Variants in NLK observed in about 807,000 individuals in gnomAD.
NLK encodes nemo like kinase.
Under a neutral mutation model 59.0 loss-of-function variants are expected in NLK, and 11 were observed. The observed-to-expected ratio is 0.19, with a 90% CI of 0.12 to 0.31. The LOEUF (loss-of-function observed/expected upper bound fraction) is 0.31, where lower values mean the gene tolerates loss of function less well. Among genes scored for constraint, NLK ranks in the 10% least tolerant of loss-of-function variants. NLK has a pLI of 1.00. For missense variants in NLK, 410 were observed against 661.1 expected (o/e 0.62, Z 4.16); for synonymous variants, 235 against 235.9 (o/e 1.00, Z 0.03).
At chr17:28,049,070 C>T (rs1221574212) in intron 1 of NLK, 3 of 152,198 alleles carry the variant, frequency 2.0e-5, no homozygotes, top group African/African-American at 7.2e-5. Context: ...TTGGAAGTAA[C>T]AGAGTGTCTG....
intron 1 of NLK, among the ~76,000 whole-genome samples, chr17:28,097,124 G>A (rs1362272602): frequency 6.6e-6 from 1 of 151,892 alleles, no homozygotes; most frequent in Non-Finnish European, 1.5e-5. Context: ...TTTTGTTTGG[G>A]ATATAACTTA....
At chr17:28,194,070 TA>T (rs1356519135) in intron 10 of NLK, among the ~76,000 whole-genome samples, 25 of 152,248 alleles carry the variant, frequency 1.6e-4, no homozygotes, top group African/African-American at 6.0e-4. Flanking sequence ...TAATACTTGA[TA>T]AAAGAATGCT....
At chr17:28,178,894 G>A (rs994393682) in intron 7 of NLK, among the ~76,000 whole-genome samples, 1 of 152,146 alleles carries the variant, frequency 6.6e-6, no homozygotes, top group Non-Finnish European at 1.5e-5. Context: ...AAAACTAATA[G>A]GAACGTCTGC....
chr17:28,165,084 G>C (rs1342980878), intron 5 of NLK, among the ~76,000 whole-genome samples: 1 of 151,710 alleles, frequency 6.6e-6, no homozygotes, highest in Admixed American at 6.6e-5. Context: ...ATCTACTAAA[G>C]TATTCCTTCT....
chr17:28,095,166 C>T (rs970474676), intron 1 of NLK, among the ~76,000 whole-genome samples: 1 of 152,110 alleles, frequency 6.6e-6, no homozygotes, highest in Non-Finnish European at 1.5e-5. Flanking sequence ...GGGAAAGAGA[C>T]CATGAGTTAT....
chr17:28,146,342 T>A (rs1254662850), intron 3 of NLK, among the ~76,000 whole-genome samples: 10 of 151,818 alleles, frequency 6.6e-5, no homozygotes, highest in Non-Finnish European at 1.3e-4. Context: ...ATTGATGTTT[T>A]AAAAAAAACT....
At chr17:28,059,676 G>A (rs1007553764) in intron 1 of NLK, among the ~76,000 whole-genome samples, 2 of 152,032 alleles carry the variant, frequency 1.3e-5, no homozygotes, top group Non-Finnish European at 2.9e-5. Context: ...TTTCAAATTA[G>A]TGAACAAAGA....
At chr17:28,166,777 G>T (rs552325864) in intron 5 of NLK, among the ~76,000 whole-genome samples, 1 of 152,320 alleles carries the variant, frequency 6.6e-6, no homozygotes, top group South Asian at 2.1e-4. Context: ...ATACTTTTCA[G>T]TTGAGCAGAA....
At chr17:28,132,572 G>C in intron 2 of NLK, 48 bp from the exon 3 acceptor site, 1 of 1,431,764 alleles carries the variant, frequency 7.0e-7, no homozygotes, top group Non-Finnish European at 9.7e-7. Flanking sequence ...GTCGAATTTT[G>C]TTTCCTTTTT....
rs180889892 is a variant in NLK, at chr17:28,117,201, A to G, written c.459-5402A>G. Among the ~76,000 whole-genome samples, 13 of 152,372 alleles carry G rather than the reference A, an allele frequency of 8.5e-5. No individual in the cohort carries two copies. In the East Asian group the frequency reaches 2.5e-3, roughly 29 times the overall value. On this transcript the variant is annotated intron_variant, in intron 1 of 10. Coordinates refer to ENST00000407008, the MANE Select transcript of NLK (RefSeq NM_016231.5). ...GAGGAAGTCTCTGTATCTCCCCAGC[A>G]TCTATAGTATAGATGGAACTAATTA...
At chr17:28,049,923 T>C (rs1909189906) in intron 1 of NLK, among the ~76,000 whole-genome samples, 1 of 152,224 alleles carries the variant, frequency 6.6e-6, no homozygotes, top group Non-Finnish European at 1.5e-5. Context: ...GAGGTTGCAG[T>C]GAGCCAAGAT....
chr17:28,107,486 T>G (rs1905234860), intron 1 of NLK, among the ~76,000 whole-genome samples: 1 of 151,766 alleles, frequency 6.6e-6, no homozygotes, highest in Non-Finnish European at 1.5e-5. Flanking sequence ...AACTTGAAGG[T>G]TACCCAGAGG....
chr17:28,056,631 G>A (rs1023157182), intron 1 of NLK, among the ~76,000 whole-genome samples: 1 of 152,206 alleles, frequency 6.6e-6, no homozygotes, highest in African/African-American at 2.4e-5. Context: ...CTGATTAAAT[G>A]TCACAGACTA....
chr17:28,097,588 A>G (rs2142785773), intron 1 of NLK, among the ~76,000 whole-genome samples: 1 of 152,332 alleles, frequency 6.6e-6, no homozygotes, highest in South Asian at 2.1e-4. Context: ...GGGAAACGTT[A>G]TTTTAAAGCA....
At chr17:28,200,085 A>T (rs762739595), downstream of NLK, among the ~76,000 whole-genome samples, 2 of 152,186 alleles carry the variant, frequency 1.3e-5, no homozygotes, top group African/African-American at 2.4e-5. Flanking sequence ...GTGATTTGCA[A>T]CTATTTTCTT....
chr17:28,156,142 C>G (rs1192932617), intron 3 of NLK, among the ~76,000 whole-genome samples: 1 of 151,236 alleles, frequency 6.6e-6, no homozygotes, highest in Non-Finnish European at 1.5e-5. Flanking sequence ...ACAAAATATG[C>G]AAAAATATAT....
In NLK at chr17:28,175,445, C is replaced by G. The variant is rs536959166; in HGVS notation, c.1149+2827C>G. Among the ~76,000 whole-genome samples, 544 of 149,686 alleles carry G rather than the reference C, an allele frequency of 3.6e-3. 3 individuals are homozygous for G. The highest frequency in any genetic ancestry group is 0.013 in the African/African-American group (514 of 40,694). Reference sequence around the variant, plus strand: ...CAGCCTGGGCGACACAGCAAGACTTCGTCTCAAAAAAAAAAAAAAATAGTG... The same window carrying G: ...CAGCCTGGGCGACACAGCAAGACTTGGTCTCAAAAAAAAAAAAAAATAGTG... On this transcript the variant is annotated intron_variant, in intron 7 of 10. Transcript: ENST00000407008.
At chr17:28,187,988 C>T (rs1406777082) in intron 8 of NLK, among the ~76,000 whole-genome samples, 1 of 152,150 alleles carries the variant, frequency 6.6e-6, no homozygotes, top group Non-Finnish European at 1.5e-5. Flanking sequence ...AGGAGAATCT[C>T]CTGAGCCCAG....
At chr17:28,178,901 C>T (rs985473871) in intron 7 of NLK, among the ~76,000 whole-genome samples, 3 of 152,206 alleles carry the variant, frequency 2.0e-5, no homozygotes, top group African/African-American at 7.2e-5. Context: ...ATAGGAACGT[C>T]TGCTCGGGAC....
Sources: allele counts gnomAD v4.1 joint callset (sites outside exome capture counted in the v4.1 genomes callset), GRCh38; gene constraint gnomAD v4.1.1; transcripts MANE v1.5; gene names NCBI Gene and HGNC (gene_info 2026-07-23, HGNC 2026-07-21).